ACTR3C: variants seen among roughly 807,000 people sequenced by gnomAD.
The protein encoded by ACTR3C is actin-related protein 3C.
A neutral mutation model predicts 26.3 loss-of-function variants in ACTR3C; 18 were observed. That is an observed-to-expected ratio of 0.68 (90% CI 0.47 to 1.01). ACTR3C has a LOEUF of 1.01. ACTR3C is among the 50% of genes least tolerant of loss of function. The pLI is 0.00. For missense variants in ACTR3C, 184 were observed against 250.7 expected, an observed-to-expected ratio of 0.73 and a Z score of 1.80; for synonymous variants, 55 against 94.5, an observed-to-expected ratio of 0.58 and a Z score of 2.42.
the ACTR3C span, among the ~76,000 whole-genome samples, chr7:150,235,141 A>G: frequency 6.6e-5 from 10 of 152,372 alleles, no homozygotes; most frequent in South Asian, 4.1e-4. Flanking sequence ...GATTAATACA[A>G]AGGCCAGTAA....
the ACTR3C span, among the ~76,000 whole-genome samples, chr7:149,900,601 A>G: frequency 2.0e-5 from 3 of 152,232 alleles, no homozygotes; most frequent in Non-Finnish European, 4.4e-5. Context: ...AGAACAATGG[A>G]AAGATCAAAA....
the ACTR3C span, among the ~76,000 whole-genome samples, chr7:149,961,168 C>T: frequency 6.6e-6 from 1 of 151,468 alleles, no homozygotes; most frequent in African/African-American, 2.4e-5. Flanking sequence ...AATAAGTGCA[C>T]AGAGAGAAAG....
At chr7:150,024,360 G>A in the ACTR3C span, among the ~76,000 whole-genome samples, 2 of 151,994 alleles carry the variant, frequency 1.3e-5, no homozygotes, top group African/African-American at 4.8e-5. Flanking sequence ...AGTCACAGTC[G>A]TCATGTCTCA....
intron 6 of ACTR3C, among the ~76,000 whole-genome samples, chr7:150,273,380 G>A (rs1834599989): frequency 1.3e-5 from 2 of 149,004 alleles, no homozygotes; most frequent in Admixed American, 1.3e-4. Flanking sequence ...TGGGCTCAAG[G>A]GATCCTCCCA....
the ACTR3C span, among the ~76,000 whole-genome samples, chr7:150,072,329 G>A: frequency 3.1e-5 from 4 of 127,288 alleles, no homozygotes; most frequent in Non-Finnish European, 5.2e-5. Flanking sequence ...GGACACAGTG[G>A]CTAACGCAAA....
At chr7:150,091,778 C>T in the ACTR3C span, among the ~76,000 whole-genome samples, 6 of 148,126 alleles carry the variant, frequency 4.1e-5, no homozygotes, top group East Asian at 2.0e-4. Flanking sequence ...GTCAGGAGAT[C>T]GAGACCATCC....
chr7:150,041,788 G>A, the ACTR3C span, among the ~76,000 whole-genome samples: 28 of 127,662 alleles, frequency 2.2e-4, no homozygotes, highest in African/African-American at 5.3e-4. Context: ...TCCCTGCCTC[G>A]CGGGGGGTGC....
At chr7:149,977,918 C>G in the ACTR3C span, among the ~76,000 whole-genome samples, 1 of 151,062 alleles carries the variant, frequency 6.6e-6, no homozygotes, top group Non-Finnish European at 1.5e-5. Flanking sequence ...TTTAGAGAAG[C>G]AGAATCAGAG....
At chr7:150,027,117 C>T in the ACTR3C span, among the ~76,000 whole-genome samples, 1 of 151,998 alleles carries the variant, frequency 6.6e-6, no homozygotes, top group Non-Finnish European at 1.5e-5. Flanking sequence ...ACACAGTGAA[C>T]GACACAGTCC....
At chr7:150,113,100 G>A in the ACTR3C span, among the ~76,000 whole-genome samples, 1 of 152,154 alleles carries the variant, frequency 6.6e-6, no homozygotes, top group East Asian at 1.9e-4. Flanking sequence ...CTCCCCAGCT[G>A]CAGCACCCCA....
At chr7:150,119,616 C>T in the ACTR3C span, among the ~76,000 whole-genome samples, 1 of 152,184 alleles carries the variant, frequency 6.6e-6, no homozygotes, top group Non-Finnish European at 1.5e-5. Context: ...GAGACTTAGA[C>T]TCCCACAAAA....
the ACTR3C span, among the ~76,000 whole-genome samples, chr7:150,189,237 C>A: frequency 6.6e-6 from 1 of 151,992 alleles, no homozygotes; most frequent in East Asian, 1.9e-4. Flanking sequence ...TTGCTCTATT[C>A]TTTTTGCCTT....
chr7:150,042,551 G>T, the ACTR3C span, among the ~76,000 whole-genome samples: 5 of 151,280 alleles, frequency 3.3e-5, no homozygotes, highest in African/African-American at 1.2e-4. Flanking sequence ...GGGGGAAGAG[G>T]GGTTGGCTCT....
the ACTR3C span, among the ~76,000 whole-genome samples, chr7:149,996,582 A>AAAATAAAAAAAT: frequency 6.7e-6 from 1 of 148,908 alleles, no homozygotes; most frequent in Non-Finnish European, 1.5e-5. Context: ...TTCTGGTAAA[A>AAAATAAAAAAAT]AAATAAATAA....
At chr7:149,891,490 C>T in the ACTR3C span, 2 of 342,970 alleles carry the variant, frequency 5.8e-6, no homozygotes, top group Admixed American at 9.1e-5. Context: ...TGTTCATATT[C>T]TCCTCCACTC....
the ACTR3C span, among the ~76,000 whole-genome samples, chr7:150,169,922 T>G: frequency 6.6e-6 from 1 of 150,548 alleles, no homozygotes; most frequent in Non-Finnish European, 1.5e-5. Context: ...CTTCTCTTCT[T>G]CCTTCATTTT....
the ACTR3C span, among the ~76,000 whole-genome samples, chr7:150,037,750 C>CCG: frequency 4.3e-5 from 2 of 45,978 alleles, no homozygotes; most frequent in African/African-American, 1.1e-4. Flanking sequence ...CTCTCAGTCC[C>CCG]CACCCTCGCG....
At chr7:150,021,797 T>C in the ACTR3C span, among the ~76,000 whole-genome samples, 101 of 152,180 alleles carry the variant, frequency 6.6e-4, 2 homozygotes, top group African/African-American at 2.4e-3. Context: ...AATGCCATTG[T>C]TTCATTCATT....
chr7:150,195,224 G>C, the ACTR3C span, among the ~76,000 whole-genome samples: 6 of 151,264 alleles, frequency 4.0e-5, no homozygotes, highest in African/African-American at 1.5e-4. Flanking sequence ...CTACACCATA[G>C]ATACCTTTTA....
Sources: allele counts gnomAD v4.1 joint callset (sites outside exome capture counted in the v4.1 genomes callset), GRCh38; gene constraint gnomAD v4.1.1; transcripts MANE v1.5; gene names NCBI Gene and HGNC (gene_info 2026-07-23, HGNC 2026-07-21).